The following LIG1 variants were observed in gnomAD, a reference collection of about 807,000 sequenced individuals.
LIG1 encodes ligase I, DNA, ATP-dependent.
A neutral mutation model predicts 115.7 loss-of-function variants in LIG1; 70 were observed. That is an observed-to-expected ratio of 0.60 (90% confidence interval 0.50 to 0.74). The LOEUF is 0.74. Among genes scored for constraint, LIG1 ranks in the 30% least tolerant of loss-of-function variants. The probability of loss-of-function intolerance (pLI) is 0.00; values close to 1 mark genes in which losing one functional copy is unlikely to be tolerated. For synonymous variants in LIG1, 487 were observed against 495.3 expected (o/e 0.98, Z 0.22); for missense variants, 1,115 against 1,225.6 (o/e 0.91, Z 1.35).
In LIG1 at chr19:48,135,660, A is replaced by G; in HGVS notation, c.1523+20T>C. 1 of 1,598,552 alleles carries G rather than the reference A, an allele frequency of 6.3e-7. No individual in the cohort carries two copies. The highest frequency in any genetic ancestry group is 8.6e-7 in the Non-Finnish European group (1 of 1,167,478). Reference sequence around the variant, plus strand: ...TCTGCCCACAGCCCCTGGCAACTCCACCCACTGCCCAGCTCTCACCAGAAC... The same window carrying G: ...TCTGCCCACAGCCCCTGGCAACTCCGCCCACTGCCCAGCTCTCACCAGAAC... On this transcript the variant is annotated intron_variant, in intron 16 of 27. Coordinates refer to ENST00000263274, the MANE Select transcript of LIG1 (RefSeq NM_000234.3).
chr19:48,137,491 G>A lies in LIG1; in HGVS notation c.1254+31C>T. 6.2e-7 allele frequency: 1 copy of A among 1,607,908 alleles called. No homozygotes were observed. Among genetic ancestry groups the A allele is most frequent in the Non-Finnish European group, 8.5e-7 (1 of 1,179,854 alleles). On this transcript the variant is annotated intron_variant, in intron 13 of 27. Coordinates refer to ENST00000263274, the MANE Select transcript of LIG1 (RefSeq NM_000234.3). This position sits in a 1 kb window ranked among gnomAD's most constrained non-coding sequence, Gnocchi z 4.3. ...TGGCCTCAGGTCCCCAAGATGTCTG[G>A]GGTCCGGGATGAGCGGCCCGCCCCA...
chr19:48,130,205 A>G (rs1194650085), intron 19 of LIG1, among the ~76,000 whole-genome samples: 2 of 152,268 alleles, frequency 1.3e-5, no homozygotes, highest in Non-Finnish European at 2.9e-5. Context: ...TCTTAAGAAA[A>G]TTGATTTAAA....
chr19:48,167,840 AAAAAAAAAAAC>A, intron 1 of LIG1, among the ~76,000 whole-genome samples: 1 of 148,816 alleles, frequency 6.7e-6, no homozygotes, highest in African/African-American at 2.5e-5. Context: ...AAAAAAAAAA[AAAAAAAAAAAC>A]AAACAAAAAA....
intron 17 of LIG1, chr19:48,133,489 A>C: frequency 3.2e-6 from 1 of 312,174 alleles, no homozygotes; most frequent in Non-Finnish European, 6.2e-6. Flanking sequence ...TCCCCGGGTC[A>C]TCCCTGGGAC....
intron 4 of LIG1, chr19:48,161,035 C>A (rs2036144552): frequency 2.7e-6 from 1 of 373,636 alleles, no homozygotes; most frequent in Admixed American, 3.8e-5. Context: ...TTGTGCTGGG[C>A]CTTGAGCCCT....
At chr19:48,121,818 T>C (rs1052988171) in intron 23 of LIG1, among the ~76,000 whole-genome samples, 1 of 151,898 alleles carries the variant, frequency 6.6e-6, no homozygotes, top group Non-Finnish European at 1.5e-5. Flanking sequence ...AATAAATAAA[T>C]AAATAAGAAC....
intron 24 of LIG1, among the ~76,000 whole-genome samples, chr19:48,119,916 G>A (rs1264547266): frequency 6.6e-6 from 1 of 152,210 alleles, no homozygotes; most frequent in Non-Finnish European, 1.5e-5. Context: ...TAGCAGTAAT[G>A]CTGGATGCTG....
At position 48,130,108 on chromosome 19, in the gene LIG1, T is replaced by TGTC. The variant is rs370291365; in HGVS notation, c.1821+965_1821+967dup. Among the ~76,000 whole-genome samples the TGTC allele has an allele frequency of 3.1e-3, 470 of 152,320 alleles. 6 individuals are homozygous for TGTC. Among genetic ancestry groups the TGTC allele is most frequent in the African/African-American group, 0.011 (441 of 41,566 alleles). On this transcript the variant is annotated intron_variant, in intron 19 of 27. Transcript: ENST00000263274. ...GAAATATTTTATACATTCATTGGGG[T>TGTC]GTCGGTTACTTGGGTGTATGAACTT...
In LIG1 at chr19:48,120,683, C is replaced by T. The variant is rs543546927; in HGVS notation, c.2385+487G>A. 2.5e-5 allele frequency: 13 copies of T among 519,970 alleles called. No individual in the cohort carries two copies. The East Asian group carries it at 1.6e-3, about 65-fold the overall frequency. 32.2% of individuals were successfully genotyped at this position (519,970 alleles called of 1,614,324 possible). ...AGCAGAAGGTGTTCACTGGCTGAGGCTGACTCAGGGTCCAACCCCCTTTGC... is the reference window on the plus strand; with the variant it reads ...AGCAGAAGGTGTTCACTGGCTGAGGTTGACTCAGGGTCCAACCCCCTTTGC... On this transcript the variant is annotated intron_variant, in intron 24 of 27. Transcript: ENST00000263274.
chr19:48,120,599 C>T, intron 24 of LIG1: 1 of 977,806 alleles, frequency 1.0e-6, no homozygotes, highest in Non-Finnish European at 1.2e-6. Context: ...TTTACATTTC[C>T]CAGAATTCCT....
At chr19:48,126,505 C>T (rs985863316) in intron 21 of LIG1, among the ~76,000 whole-genome samples, 4 of 151,576 alleles carry the variant, frequency 2.6e-5, no homozygotes, top group African/African-American at 9.7e-5. Flanking sequence ...ACTTGGGAGG[C>T]TGAGGCAGGA....
chr19:48,151,360 C>A, intron 6 of LIG1, 21 bp from the exon 7 acceptor site: 1 of 1,481,328 alleles, frequency 6.8e-7, no homozygotes, highest in South Asian at 1.1e-5. Context: ...ACAGAACGGT[C>A]AGATGGCAAA....
At position 48,117,661 on chromosome 19, in the gene LIG1, T is replaced by A. The variant is rs1432273754; in HGVS notation, c.2560A>T (p.Ile854Phe). The part of the protein sequence containing the change: ...VKCADLSLSP[I>F]YPAARGLVDS... ...ACCAGGCCCCGCGCAGCAGGGTAGA[T>A]GGGAGAGAGGGAGAGGTCAGCGCAC... The change falls in exon 26 of 28, where the codon ATC becomes TTC. Residue 854 changes from isoleucine (I) to phenylalanine (F), a missense_variant. By Grantham distance (21) the Ile-to-Phe change is conservative (BLOSUM62 0). Transcript: ENST00000263274. 5.6e-6 allele frequency: 9 copies of A among 1,612,830 alleles called. No individual in the cohort carries two copies. Among genetic ancestry groups the A allele is most frequent in the Non-Finnish European group, 6.8e-6 (8 of 1,179,672 alleles).
At chr19:48,133,447 C>T in intron 17 of LIG1, 1 of 345,738 alleles carries the variant, frequency 2.9e-6, no homozygotes, top group East Asian at 7.0e-5. Flanking sequence ...GGGTGACAAC[C>T]TTTGGAGGGC....
At chr19:48,157,284 C>T in intron 4 of LIG1, 144 bp from the exon 5 acceptor site, 2 of 824,284 alleles carry the variant, frequency 2.4e-6, no homozygotes, top group Non-Finnish European at 3.6e-6. Flanking sequence ...GGGGTGGCCT[C>T]TTCTCACCTG....
At chr19:48,136,187 C>A (rs1393018913) in intron 14 of LIG1, 62 bp from the exon 15 acceptor site, 3 of 1,232,716 alleles carry the variant, frequency 2.4e-6, no homozygotes, top group Admixed American at 2.0e-5. Context: ...TGCCTCCTCC[C>A]TTCTCTGATC....
chr19:48,128,975 G>T (rs1002614927), intron 19 of LIG1, among the ~76,000 whole-genome samples: 1 of 152,136 alleles, frequency 6.6e-6, no homozygotes, highest in Non-Finnish European at 1.5e-5. Context: ...GGCCAGGCTG[G>T]TCTCGAACTC....
intron 1 of LIG1, among the ~76,000 whole-genome samples, chr19:48,169,409 A>G (rs912872508): frequency 3.6e-4 from 55 of 152,240 alleles, no homozygotes; most frequent in African/African-American, 1.2e-3. Context: ...TTGGGACTAC[A>G]TAAGATGTCA....
At chr19:48,152,589 A>C (rs1329202619) in intron 6 of LIG1, among the ~76,000 whole-genome samples, 1 of 152,190 alleles carries the variant, frequency 6.6e-6, no homozygotes, top group Non-Finnish European at 1.5e-5. Flanking sequence ...CGGTGGGTTC[A>C]CCAACATGCA....
Sources: gnomAD v4.1 joint callset for allele counts (sites outside exome capture counted in the v4.1 genomes callset) on GRCh38, gnomAD v4.1.1 for gene constraint, Gnocchi (gnomAD v3.1) non-coding constraint, MANE v1.5 for transcripts, NCBI Gene and HGNC (gene_info 2026-07-23, HGNC 2026-07-21) for gene names.